Variants in UTP23 observed in about 807,000 individuals in gnomAD.
UTP23 encodes rRNA-processing protein UTP23 homolog.
A neutral mutation model predicts 19.8 loss-of-function variants in UTP23; 10 were observed. That is an observed-to-expected ratio of 0.50 (90% CI 0.31 to 0.86). The LOEUF is 0.86. Ranked by LOEUF, UTP23 falls within the 40% of genes least tolerant of loss-of-function variation. The pLI is 0.05. For missense variants in UTP23, 282 were observed against 293.1 expected (o/e 0.96, Z 0.28); for synonymous variants, 108 against 105.4 (o/e 1.02, Z -0.15).
chr8:116,770,204 A>G lies in UTP23; in HGVS notation c.201A>G (p.Lys67=), dbSNP rs776940890. The G allele has an allele frequency of 2.5e-6, 4 of 1,607,348 alleles. No homozygotes were observed. Among genetic ancestry groups the G allele is most frequent in the Admixed American group, 1.7e-5 (1 of 59,820 alleles). ...TQLCTTRCVL[K]ELETLGKDLY... ...TTTTTCTTTTCAGATGTGTGTTAAAAGAGCTAGAAACATTGGGAAAGGACT... is the reference window on the plus strand; with the variant it reads ...TTTTTCTTTTCAGATGTGTGTTAAAGGAGCTAGAAACATTGGGAAAGGACT... The change falls in exon 2 of 3, where the codon AAA becomes AAG. Residue 67 remains lysine (K), a synonymous_variant. Transcript: ENST00000309822.
chr8:116,769,053 A>G (rs1015596669), intron 1 of UTP23, among the ~76,000 whole-genome samples: 2 of 152,142 alleles, frequency 1.3e-5, no homozygotes, highest in South Asian at 2.1e-4. Flanking sequence ...TCAGTGGAAT[A>G]TATTTCTTGG....
intron 1 of UTP23, chr8:116,767,043 C>T: frequency 2.4e-6 from 1 of 413,216 alleles, no homozygotes; most frequent in East Asian, 3.9e-5. Flanking sequence ...AGAGATCCGA[C>T]TTCGAATCTT....
In UTP23 at chr8:116,770,367, GT is replaced by G; in HGVS notation, c.363+2del. On this transcript the variant is annotated splice_donor_variant, in intron 2 of 2. Coordinates refer to ENST00000309822, the MANE Select transcript of UTP23 (RefSeq NM_032334.3). LOFTEE classifies it high-confidence loss of function. The stretch of plus-strand genomic sequence containing the variant: ...TCATCATTATTTTGTGGCAACACAG[GT>G]GATACTACTTTTAAAACCACAGGCA... 6.2e-7 allele frequency: 1 copy of G among 1,600,032 alleles called. No individual in the cohort carries two copies. The highest frequency in any genetic ancestry group is 1.1e-5 in the South Asian group (1 of 89,920).
intron 1 of UTP23, among the ~76,000 whole-genome samples, chr8:116,768,183 G>A (rs377181533): frequency 6.6e-6 from 1 of 152,082 alleles, no homozygotes. Flanking sequence ...GCAGGGTCTC[G>A]GCTGGGTTAC....
Position 116,772,198 on chromosome 8 carries a change from C to T in UTP23, c.*356C>T. The T allele has an allele frequency of 2.0e-6, 2 of 997,724 alleles. No individual in the cohort carries two copies. The highest frequency in any genetic ancestry group is 4.6e-5 in the South Asian group (1 of 21,750). 61.8% of individuals were successfully genotyped at this position (997,724 alleles called of 1,614,324 possible). A position where few individuals can be genotyped will look rare whatever the true frequency, so the allele number is the denominator to read the frequency against. ...ACATGTCTCAAAAAAAAAATAAAAA[C>T]AGTGAATGGGTGTAGGTGTGATGGA... is the stretch of plus-strand genomic sequence containing the variant. On this transcript the variant is annotated 3_prime_UTR_variant, in exon 3 of 3. Transcript: ENST00000309822.
rs1815669821 is a variant in UTP23, at chr8:116,772,387, T to C, written c.*545T>C. 1.0e-6 allele frequency: 1 copy of C among 972,656 alleles called. No individual in the cohort carries two copies. The highest frequency in any genetic ancestry group is 1.2e-6 in the Non-Finnish European group (1 of 818,400). The allele number at this position is 972,656 out of a possible 1,614,324, so 60.3% of individuals were successfully genotyped here. ...AAAAAGAGGCAGTCCCTCTTTCACA[T>C]TGACAGAAGAAACTTCCTCTTTCAA... On this transcript the variant is annotated 3_prime_UTR_variant, in exon 3 of 3. Transcript: ENST00000309822.
chr8:116,766,799 C>G lies in UTP23; in HGVS notation c.188+8C>G. On this transcript the variant is annotated splice_region_variant and intron_variant, in intron 1 of 2. Transcript: ENST00000309822. ...GCAGCTGTGCACCACAAGGTGGGCC[C>G]GGGGGGCTGGGGAGGAGGCACAGAG... is the stretch of plus-strand genomic sequence containing the variant. The G allele has an allele frequency of 6.6e-7, 1 of 1,525,126 alleles. No individual in the cohort carries two copies. The highest frequency in any genetic ancestry group is 1.4e-5 in the African/African-American group (1 of 72,098). 94.5% of individuals were successfully genotyped at this position (1,525,126 alleles called of 1,614,324 possible). A position where few individuals can be genotyped will look rare whatever the true frequency, so the allele number is the denominator to read the frequency against.
At position 116,773,313 on chromosome 8, in the gene UTP23, CAA is replaced by C. The variant is rs1815683271; in HGVS notation, c.*1473_*1474del. On this transcript the variant is annotated 3_prime_UTR_variant, in exon 3 of 3. Coordinates refer to ENST00000309822, the MANE Select transcript of UTP23 (RefSeq NM_032334.3). Reference sequence around the variant, plus strand: ...TTAAGGCCACCTAATAAAGTGTAGACAAAGTGATAAATGAAATATACACTGAT... The same window carrying C: ...TTAAGGCCACCTAATAAAGTGTAGACAGTGATAAATGAAATATACACTGAT... The C allele has an allele frequency of 8.1e-6, 8 of 984,514 alleles. No individual in the cohort carries two copies. The highest frequency in any genetic ancestry group is 7.0e-5 in the African/African-American group (4 of 57,176). 61.0% of individuals were successfully genotyped at this position (984,514 alleles called of 1,614,324 possible).
At position 116,766,624 on chromosome 8, in the gene UTP23, A is replaced by G; in HGVS notation, c.21A>G (p.Lys7=). 1.9e-6 allele frequency: 3 copies of G among 1,613,624 alleles called. No individual in the cohort carries two copies. The highest frequency in any genetic ancestry group is 2.5e-6 in the Non-Finnish European group (3 of 1,179,758). MKITRQ[K]HAKKHLGFFR... is the part of the protein sequence containing the mutation. ...CAGGCATGAAGATCACAAGGCAGAA[A>G]CATGCCAAGAAGCATCTTGGCTTCT... The change falls in exon 1 of 3, where the codon AAA becomes AAG. Residue 7 remains lysine (K), a synonymous_variant. Coordinates refer to ENST00000309822, the MANE Select transcript of UTP23 (RefSeq NM_032334.3).
At chr8:116,771,349 AAAAAT>A (rs566498794) in intron 2 of UTP23, 102 bp from the exon 3 acceptor site, 434 of 997,662 alleles carry the variant, frequency 4.4e-4, no homozygotes, top group Non-Finnish European at 5.8e-4. Context: ...TACTCATTTG[AAAAAT>A]AAAATCTGTG....
chr8:116,767,664 G>C (rs191051189), intron 1 of UTP23, among the ~76,000 whole-genome samples: 1 of 152,324 alleles, frequency 6.6e-6, no homozygotes, highest in African/African-American at 2.4e-5. Flanking sequence ...CTCTTCACAC[G>C]AAATGGAGTT....
Position 116,772,664 on chromosome 8 carries a change from AT to A in UTP23, c.*823del. The A allele has an allele frequency of 1.0e-6, 1 of 985,010 alleles. No individual in the cohort carries two copies. The highest frequency in any genetic ancestry group is 1.2e-6 in the Non-Finnish European group (1 of 829,600). 61.0% of individuals were successfully genotyped at this position (985,010 alleles called of 1,614,324 possible). On this transcript the variant is annotated 3_prime_UTR_variant, in exon 3 of 3. Coordinates refer to ENST00000309822, the MANE Select transcript of UTP23 (RefSeq NM_032334.3). The stretch of plus-strand genomic sequence containing the variant: ...AATAAGGATGATGATTTTCTTTTAG[AT>A]GTAAATGTTAACTTCAATAGCAAGA...
Position 116,774,172 on chromosome 8 carries a change from T to G in UTP23, c.*2330T>G. 1 of 985,290 alleles carries G rather than the reference T, an allele frequency of 1.0e-6. No homozygotes were observed. Among genetic ancestry groups the G allele is most frequent in the Non-Finnish European group, 1.2e-6 (1 of 829,912 alleles). The allele number at this position is 985,290 out of a possible 1,614,324, so 61.0% of individuals were successfully genotyped here. ...GAAAGTTTGCCAATCTGAAAAGGGG[T>G]GTTTCTGAAGACCACTATCTTTTAC... On this transcript the variant is annotated 3_prime_UTR_variant, in exon 3 of 3. Coordinates refer to ENST00000309822, the MANE Select transcript of UTP23 (RefSeq NM_032334.3).
At position 116,774,194 on chromosome 8, in the gene UTP23, T is replaced by C; in HGVS notation, c.*2352T>C. ...GGGTGTTTCTGAAGACCACTATCTT[T>C]TACGAACACTTAAAAATAAGTGTTT... is the stretch of plus-strand genomic sequence containing the variant. On this transcript the variant is annotated 3_prime_UTR_variant, in exon 3 of 3. Transcript: ENST00000309822. The C allele has an allele frequency of 1.0e-6, 1 of 985,418 alleles. No individual in the cohort carries two copies. The highest frequency in any genetic ancestry group is 1.2e-6 in the Non-Finnish European group (1 of 829,942). The allele number at this position is 985,418 out of a possible 1,614,324, so 61.0% of individuals were successfully genotyped here.
rs1257218342 is a variant in UTP23 at position 116,768,348 on chromosome 8, A to G, written c.188+1557A>G. On this transcript the variant is annotated intron_variant, in intron 1 of 2. Transcript: ENST00000309822. ...ATATTAACATTTTAAATATAGTGCT[A>G]TGATATTAAAAAGGTTGAGAAGTGC... Among the ~76,000 whole-genome samples, 3 of 152,232 alleles carry G rather than the reference A, an allele frequency of 2.0e-5. No individual in the cohort carries two copies. The East Asian group carries it at 5.8e-4, about 29-fold the overall frequency.
In UTP23 at chr8:116,771,705, C is replaced by T. The variant is rs771492025; in HGVS notation, c.613C>T (p.Leu205Phe). ...CAAGAAAATAAGTGGTCCCAATCCTCTTAGTTGTTTGAAGAAAAAGAAAAA... is the reference window on the plus strand; with the variant it reads ...CAAGAAAATAAGTGGTCCCAATCCTTTTAGTTGTTTGAAGAAAAAGAAAAA... ...KRKKISGPNP[L>F]SCLKKKKKAP... is the part of the protein sequence containing the mutation. The change falls in exon 3 of 3, where the codon CTT becomes TTT. Residue 205 changes from leucine (L) to phenylalanine (F), a missense_variant. Leu to Phe is a conservative substitution (Grantham distance 22). Coordinates refer to ENST00000309822, the MANE Select transcript of UTP23 (RefSeq NM_032334.3). 26 of 1,612,886 alleles carry T rather than the reference C, an allele frequency of 1.6e-5. No homozygotes were observed. Among genetic ancestry groups the T allele is most frequent in the Non-Finnish European group, 2.1e-5 (25 of 1,179,848 alleles).
Position 116,772,497 on chromosome 8 carries a change from C to A in UTP23, c.*655C>A. 1 of 980,038 alleles carries A rather than the reference C, an allele frequency of 1.0e-6. No homozygotes were observed. Among genetic ancestry groups the A allele is most frequent in the Non-Finnish European group, 1.2e-6 (1 of 825,086 alleles). 60.7% of individuals were successfully genotyped at this position (980,038 alleles called of 1,614,324 possible). ...ACATCAATTATTTATTGACTTCCTA[C>A]TAGAAAGAGTGAAATTTTGCCCATT... On this transcript the variant is annotated 3_prime_UTR_variant, in exon 3 of 3. Transcript: ENST00000309822.
intron 1 of UTP23, among the ~76,000 whole-genome samples, chr8:116,769,207 T>C (rs1815621263): frequency 6.6e-6 from 1 of 152,136 alleles, no homozygotes; most frequent in South Asian, 2.1e-4. Flanking sequence ...GAAGGGTAAA[T>C]TGGAGAAACA....
In UTP23 at chr8:116,773,924, A is replaced by C. The variant is rs759077951; in HGVS notation, c.*2082A>C. 1.0e-4 allele frequency: 101 copies of C among 983,860 alleles called. No homozygotes were observed. Among genetic ancestry groups the C allele is most frequent in the Middle Eastern group, 5.2e-4 (1 of 1,934 alleles). The allele number at this position is 983,860 out of a possible 1,614,324, so 60.9% of individuals were successfully genotyped here. A position where few individuals can be genotyped will look rare whatever the true frequency, so the allele number is the denominator to read the frequency against. On this transcript the variant is annotated 3_prime_UTR_variant, in exon 3 of 3. Transcript: ENST00000309822. ...CAAAAGTCTCATATCCTTGTACTTCAGTTTTTTTGTGTGTGAATACTATCC... is the reference window on the plus strand; with the variant it reads ...CAAAAGTCTCATATCCTTGTACTTCCGTTTTTTTGTGTGTGAATACTATCC...
Sources: allele counts gnomAD v4.1 joint callset (sites outside exome capture counted in the v4.1 genomes callset), GRCh38; gene constraint gnomAD v4.1.1; transcripts MANE v1.5; gene names NCBI Gene and HGNC (gene_info 2026-07-23, HGNC 2026-07-21).